The following FER1L5 variants were observed in gnomAD, a reference collection of about 807,000 sequenced individuals.
FER1L5 encodes fer-1-like protein 5.
FER1L5 carries 187 observed loss-of-function variants against 279.9 expected under a neutral mutation model. That is an observed-to-expected ratio of 0.67 (90% confidence interval 0.59 to 0.75). FER1L5 has a LOEUF of 0.75. Among genes scored for constraint, FER1L5 ranks in the 30% least tolerant of loss-of-function variants. The probability of loss-of-function intolerance (pLI) is 0.00; values close to 1 mark genes in which losing one functional copy is unlikely to be tolerated. For synonymous variants in FER1L5, 921 were observed against 989.7 expected, an observed-to-expected ratio of 0.93 and a Z score of 1.30; for missense variants, 2,091 against 2,594.4, an observed-to-expected ratio of 0.81 and a Z score of 4.21.
In FER1L5 at chr2:96,642,834, G is replaced by C. The variant is rs944576295; in HGVS notation, c.-3G>C. The C allele has an allele frequency of 3.9e-5, 60 of 1,550,520 alleles. 1 individual carries two copies. The highest frequency in any genetic ancestry group is 1.7e-6 in the Non-Finnish European group (2 of 1,146,482). ...GAAGGAGGGAAGAAAGTAGGTCTCC[G>C]AGATGCTGCGGCTTGTGGTGCAGTC... On this transcript the variant is annotated 5_prime_UTR_variant, in exon 1 of 53. Transcript: ENST00000624922.
chr2:96,666,638 A>AT (rs1254861254), intron 14 of FER1L5, among the ~76,000 whole-genome samples: 3 of 151,324 alleles, frequency 2.0e-5, no homozygotes, highest in Non-Finnish European at 4.4e-5. Context: ...GGACACATGG[A>AT]TTTTTTTCTT....
intron 24 of FER1L5, among the ~76,000 whole-genome samples, chr2:96,688,377 C>A (rs2077014383): frequency 6.6e-6 from 1 of 152,194 alleles, no homozygotes; most frequent in African/African-American, 2.4e-5. Context: ...CCCCTGCAGG[C>A]CCCAGTGGGG....
Position 96,702,391 on chromosome 2 carries a change from T to C in FER1L5, c.5245T>C (p.Tyr1749His), listed in dbSNP as rs1036203464. The change falls in exon 47 of 53, where the codon TAC (tyrosine) becomes CAC (histidine). Residue 1749 changes from tyrosine to histidine, a missense_variant. Transcript: ENST00000624922. This position sits in a 1 kb window ranked among gnomAD's most constrained non-coding sequence, Gnocchi z 4.0. ...NLSREKTSDI[Y>H]IKGWLYGLEK... ...AAGTAGAGAGAAGACGAGCGACATC[T>C]ACATCAAAGGGTAGGGAAGAGGAGT... 5.0e-6 allele frequency: 8 copies of C among 1,611,506 alleles called. No homozygotes were observed. Among genetic ancestry groups the C allele is most frequent in the Non-Finnish European group, 6.8e-6 (8 of 1,178,938 alleles).
chr2:96,696,041 T>C lies in FER1L5; in HGVS notation c.4058-11T>C. On this transcript the variant is annotated splice_polypyrimidine_tract_variant and intron_variant, in intron 36 of 52. Coordinates refer to ENST00000624922, the MANE Select transcript of FER1L5 (RefSeq NM_001293083.2). ...CATCCTGAGACTCGTCCCTGCGCTC[T>C]CCCCGCACAGCGCTGTCTGAGAAGA... The C allele has an allele frequency of 6.2e-7, 1 of 1,613,858 alleles. No individual in the cohort carries two copies. The highest frequency in any genetic ancestry group is 8.5e-7 in the Non-Finnish European group (1 of 1,179,878).
intron 19 of FER1L5, among the ~76,000 whole-genome samples, chr2:96,679,041 C>A (rs187508779): frequency 6.6e-6 from 1 of 152,028 alleles, no homozygotes; most frequent in Admixed American, 6.6e-5. Flanking sequence ...GAAGATTTTT[C>A]TCCTATTTTT....
At position 96,659,290 on chromosome 2, in the gene FER1L5, T is replaced by TTGCC. The variant is rs1553449027; in HGVS notation, c.748-1050_748-1049insGCCT. 2.0e-4 allele frequency among the ~76,000 whole-genome samples: 16 copies of TTGCC among 81,030 alleles called. 1 individual carries two copies. The highest frequency in any genetic ancestry group is 4.4e-4 in the African/African-American group (9 of 20,368). The allele number at this position is 81,030 out of a possible 152,430, so 53.2% of individuals were successfully genotyped here. On this transcript the variant is annotated intron_variant, in intron 9 of 52. Transcript: ENST00000624922. ...TTTGATGAAGTCCAATTTATCAAGC[T>TTGCC]TTCCTTCCTTCCTTCCTTCCTTCCT...
At chr2:96,703,387 C>A in intron 50 of FER1L5, 41 bp downstream of exon 50, 1 of 1,596,982 alleles carries the variant, frequency 6.3e-7, no homozygotes, top group Non-Finnish European at 8.5e-7. Flanking sequence ...GCTGCTATGC[C>A]ACATGTCCTG....
chr2:96,677,605 C>T (rs1170808324), intron 19 of FER1L5, among the ~76,000 whole-genome samples: 1 of 151,948 alleles, frequency 6.6e-6, no homozygotes, highest in East Asian at 1.9e-4. Context: ...GTGGCTCACT[C>T]CTGTAATCCT....
chr2:96,661,932 T>C (rs2075969190), intron 12 of FER1L5, 141 bp downstream of exon 12: 2 of 1,265,560 alleles, frequency 1.6e-6, no homozygotes, highest in African/African-American at 1.5e-5. Flanking sequence ...CTGGAATTGC[T>C]CCCAGACTTG....
rs2075840032 is a variant in FER1L5 at position 96,659,462 on chromosome 2, T to TTTC, written c.748-876_748-874dup. ...CTTTCTTTCTTTCTTTCTTTCTTTC[T>TTTC]TTCTTTCTTTCTTTCTTTCTTTCTT... is the stretch of plus-strand genomic sequence containing the variant. On this transcript the variant is annotated intron_variant, in intron 9 of 52. Transcript: ENST00000624922. Among the ~76,000 whole-genome samples, 2 of 27,666 alleles carry TTTC rather than the reference T, an allele frequency of 7.2e-5. 1 individual carries two copies. Among genetic ancestry groups the TTTC allele is most frequent in the Non-Finnish European group, 1.1e-4 (2 of 17,922 alleles). 18.1% of individuals were successfully genotyped at this position (27,666 alleles called of 152,430 possible).
intron 19 of FER1L5, among the ~76,000 whole-genome samples, chr2:96,679,511 C>T (rs760839610): frequency 5.3e-5 from 8 of 152,176 alleles, no homozygotes; most frequent in East Asian, 1.9e-4. Flanking sequence ...CGTGAGCCAC[C>T]GCACCCGGCC....
At position 96,647,770 on chromosome 2, in the gene FER1L5, C is replaced by G; in HGVS notation, c.231-8C>G. 6.5e-7 allele frequency: 1 copy of G among 1,546,428 alleles called. No individual in the cohort carries two copies. Among genetic ancestry groups the G allele is most frequent in the Non-Finnish European group, 8.8e-7 (1 of 1,142,262 alleles). On this transcript the variant is annotated splice_region_variant and splice_polypyrimidine_tract_variant and intron_variant, in intron 3 of 52. Transcript: ENST00000624922. The stretch of plus-strand genomic sequence containing the variant: ...TCAGGATCTCACATCTGCTCCTTGT[C>G]TCCCCAGATTCATTGGCCTGGCCAC...
chr2:96,684,346 G>T lies in FER1L5; in HGVS notation c.1689G>T (p.Val563=). 1 of 1,551,612 alleles carries T rather than the reference G, an allele frequency of 6.4e-7. No homozygotes were observed. Among genetic ancestry groups the T allele is most frequent in the South Asian group, 1.2e-5 (1 of 84,058 alleles). Residue 563 remains valine (V), a synonymous_variant, in exon 20 of 53, where the codon GTG becomes GTT. Transcript: ENST00000624922. ...TCTCAGGGAACATCTACCATTATGT[G>T]CCCTGGTACAACACCAAGCCTGTCG... is the stretch of plus-strand genomic sequence containing the variant. ...VIYDGNIYHY[V]PWYNTKPVVA... is the part of the protein sequence containing the mutation.
intron 24 of FER1L5, among the ~76,000 whole-genome samples, chr2:96,688,695 G>T (rs144938756): frequency 6.6e-6 from 1 of 152,092 alleles, no homozygotes; most frequent in Non-Finnish European, 1.5e-5. Context: ...TCTTGGAGGC[G>T]CAGAGGTGGA....
intron 18 of FER1L5, 63 bp from the exon 19 acceptor site, chr2:96,673,014 C>T (rs2076384256): frequency 6.7e-7 from 1 of 1,498,844 alleles, no homozygotes; most frequent in Non-Finnish European, 9.0e-7. Flanking sequence ...TGCCTCCCTG[C>T]CTGTCAATAT....
chr2:96,702,457 CCTG>C lies in FER1L5; in HGVS notation c.5255+60_5255+62del. The C allele has an allele frequency of 1.3e-6, 2 of 1,568,324 alleles. No homozygotes were observed. Among genetic ancestry groups the C allele is most frequent in the African/African-American group, 2.7e-5 (2 of 73,800 alleles). On this transcript the variant is annotated intron_variant, in intron 47 of 52. Transcript: ENST00000624922. The surrounding 1 kb of genome is among the most constrained non-coding windows in gnomAD (Gnocchi z 4.0). ...CCCCTCAGTTCCCCAGTTCTGTCATCCTGCTGGCACGGCCCAGTCCTGAATGGG... is the reference window on the plus strand; with the variant it reads ...CCCCTCAGTTCCCCAGTTCTGTCATCCTGGCACGGCCCAGTCCTGAATGGG...
chr2:96,644,664 T>C lies in FER1L5; in HGVS notation c.86-1737T>C, dbSNP rs550337883. Among the ~76,000 whole-genome samples the C allele has an allele frequency of 1.2e-4, 19 of 152,300 alleles. 1 individual carries two copies. The East Asian group carries it at 2.9e-3, about 23-fold the overall frequency. ...GACACAGTAGTTCCTACAGGACATA[T>C]GAGTAATGAATGGAATTTCTTTATT... On this transcript the variant is annotated intron_variant, in intron 1 of 52. Coordinates refer to ENST00000624922, the MANE Select transcript of FER1L5 (RefSeq NM_001293083.2).
At chr2:96,699,840 A>C in intron 43 of FER1L5, 92 bp from the exon 44 acceptor site, 1 of 1,579,040 alleles carries the variant, frequency 6.3e-7, no homozygotes, top group Non-Finnish European at 8.6e-7. Flanking sequence ...CCCAGTCTCC[A>C]CCCAAGCTTC....
chr2:96,699,741 G>A (rs2077522376), intron 43 of FER1L5, 21 bp downstream of exon 43: 1 of 1,612,708 alleles, frequency 6.2e-7, no homozygotes, highest in Non-Finnish European at 8.5e-7. Flanking sequence ...GCCCGTCTGG[G>A]GGAAGGGAGT....
Sources: allele counts gnomAD v4.1 joint callset (sites outside exome capture counted in the v4.1 genomes callset), GRCh38; gene constraint gnomAD v4.1.1; non-coding constraint Gnocchi (gnomAD v3.1); transcripts MANE v1.5; gene names NCBI Gene and HGNC (gene_info 2026-07-23, HGNC 2026-07-21).